Variants in RAPGEF2 observed in about 807,000 individuals in gnomAD.
RAPGEF2 encodes PDZ domain containing guanine nucleotide exchange factor (GEF) 1.
Under a neutral mutation model 186.7 loss-of-function variants are expected in RAPGEF2, and 54 were observed. That is an observed-to-expected ratio of 0.29 (90% CI 0.23 to 0.36). The LOEUF (loss-of-function observed/expected upper bound fraction) is 0.36, where lower values mean the gene tolerates loss of function less well. Among genes scored for constraint, RAPGEF2 ranks in the 10% least tolerant of loss-of-function variants. The pLI is 1.00. For missense variants in RAPGEF2, 1,532 were observed against 2,045.0 expected (o/e 0.75, Z 4.84); for synonymous variants, 712 against 705.9 (o/e 1.01, Z -0.14).
intron 1 of RAPGEF2, among the ~76,000 whole-genome samples, chr4:159,158,253 A>G (rs912908720): frequency 1.4e-4 from 21 of 152,300 alleles, no homozygotes; most frequent in East Asian, 1.2e-3. Flanking sequence ...CTGCATGCAG[A>G]TCAGTGATCC....
In RAPGEF2 at chr4:159,307,403, A is replaced by G. The variant is rs542366251; in HGVS notation, c.675+2930A>G. Among the ~76,000 whole-genome samples, 94 of 152,272 alleles carry G rather than the reference A, an allele frequency of 6.2e-4. 1 individual carries two copies. The South Asian group carries it at 0.018, about 30-fold the overall frequency. On this transcript the variant is annotated intron_variant, in intron 8 of 29. Transcript: ENST00000691494. The stretch of plus-strand genomic sequence containing the variant: ...TTTACCTCCTCATCACATACACACA[A>G]ACACACCATTTATTCTGAAAGTTGA...
chr4:159,232,148 T>C (rs1752711437), intron 4 of RAPGEF2, among the ~76,000 whole-genome samples: 1 of 152,234 alleles, frequency 6.6e-6, no homozygotes, highest in Non-Finnish European at 1.5e-5. Flanking sequence ...TTTAACTAGT[T>C]TTAAATGTAT....
intron 3 of RAPGEF2, among the ~76,000 whole-genome samples, chr4:159,198,035 C>A (rs953544141): frequency 6.6e-6 from 1 of 152,128 alleles, no homozygotes; most frequent in Non-Finnish European, 1.5e-5. Context: ...TGAAGTTTCT[C>A]CTTTGCCTCT....
At chr4:159,140,822 T>TG (rs1742236275) in intron 1 of RAPGEF2, among the ~76,000 whole-genome samples, 1 of 127,292 alleles carries the variant, frequency 7.9e-6, no homozygotes, top group African/African-American at 3.0e-5. Flanking sequence ...AATTTTTTTC[T>TG]GGAAAAAAAA....
chr4:159,219,988 G>T (rs1216096536), intron 4 of RAPGEF2, among the ~76,000 whole-genome samples: 6 of 152,206 alleles, frequency 3.9e-5, no homozygotes, highest in African/African-American at 1.4e-4. Flanking sequence ...GAGATAAAAA[G>T]TGTTTTGAGA....
chr4:159,120,034 G>GT (rs980160075), intron 1 of RAPGEF2, among the ~76,000 whole-genome samples: 2 of 151,902 alleles, frequency 1.3e-5, no homozygotes, highest in Middle Eastern at 3.2e-3. Context: ...TTTTTTGTTT[G>GT]TTTTTTTGAG....
At chr4:159,111,974 A>T (rs1362585863) in intron 1 of RAPGEF2, among the ~76,000 whole-genome samples, 3 of 152,186 alleles carry the variant, frequency 2.0e-5, no homozygotes, top group Non-Finnish European at 4.4e-5. Flanking sequence ...TTGGACTTTT[A>T]TAGCCACAGT....
intron 1 of RAPGEF2, among the ~76,000 whole-genome samples, chr4:159,136,383 G>C (rs747284672): frequency 7.9e-5 from 12 of 152,148 alleles, no homozygotes; most frequent in Non-Finnish European, 1.3e-4. Flanking sequence ...AGGACTTCAG[G>C]AAGACCAGGT....
At chr4:159,193,172 T>A in intron 2 of RAPGEF2, 28 bp from the exon 3 acceptor site, 4 of 1,414,664 alleles carry the variant, frequency 2.8e-6, no homozygotes, top group Non-Finnish European at 3.7e-6. Context: ...TGACAGATGT[T>A]GAACTCATGT....
intron 1 of RAPGEF2, among the ~76,000 whole-genome samples, chr4:159,179,161 G>T (rs1443341483): frequency 6.6e-6 from 1 of 151,684 alleles, no homozygotes; most frequent in African/African-American, 2.4e-5. Context: ...ACATGTTCCT[G>T]TTTGTGCTCA....
At chr4:159,131,462 G>A (rs532159916) in intron 1 of RAPGEF2, among the ~76,000 whole-genome samples, 1 of 145,004 alleles carries the variant, frequency 6.9e-6, no homozygotes, top group Admixed American at 6.9e-5. Context: ...TTTGTCAGCA[G>A]ATACTATGTT....
intron 1 of RAPGEF2, among the ~76,000 whole-genome samples, chr4:159,162,541 C>T (rs978697144): frequency 1.3e-5 from 2 of 152,092 alleles, no homozygotes; most frequent in African/African-American, 4.8e-5. Context: ...TATTAATGAA[C>T]CTGGATTGTA....
At chr4:159,196,355 G>T (rs1230837822) in intron 3 of RAPGEF2, among the ~76,000 whole-genome samples, 1 of 152,152 alleles carries the variant, frequency 6.6e-6, no homozygotes, top group Non-Finnish European at 1.5e-5. Context: ...TTGGGGAAAT[G>T]ACTTGTTTGT....
chr4:159,350,327 C>A, intron 26 of RAPGEF2, 38 bp downstream of exon 26: 1 of 1,449,828 alleles, frequency 6.9e-7, no homozygotes, highest in Non-Finnish European at 9.2e-7. Context: ...TGTATTGAAA[C>A]CTATACATTT....
At chr4:159,344,996 G>C (rs953196149) in intron 23 of RAPGEF2, 110 bp from the exon 24 acceptor site, 1 of 824,020 alleles carries the variant, frequency 1.2e-6, no homozygotes, top group Non-Finnish European at 2.0e-6. Context: ...ACTGGAATGA[G>C]GCATGTGACC....
At chr4:159,267,320 T>C (rs2110781251) in intron 7 of RAPGEF2, 1 of 1,289,302 alleles carries the variant, frequency 7.8e-7, no homozygotes, top group South Asian at 1.2e-5. Context: ...GTAAGCACAA[T>C]AATGTAATTA....
intron 25 of RAPGEF2, among the ~76,000 whole-genome samples, chr4:159,347,860 G>A (rs1323370772): frequency 6.6e-6 from 1 of 152,166 alleles, no homozygotes; most frequent in African/African-American, 2.4e-5. Flanking sequence ...TTCATAAAAT[G>A]TACACCTTCT....
intron 1 of RAPGEF2, among the ~76,000 whole-genome samples, chr4:159,158,418 A>T (rs572145692): frequency 6.6e-6 from 1 of 152,196 alleles, no homozygotes; most frequent in African/African-American, 2.4e-5. Context: ...TTATCTAGTT[A>T]ATCTCCAGTC....
rs760626474 is a variant in RAPGEF2 at position 159,104,549 on chromosome 4, A to AGTGT, written c.69+319_69+320insTGTG. ...GAGGGAGAGACAGAGAGAGAGAGAG[A>AGTGT]GAGAGTGTGTGTGTGTGTGTGTATG... On this transcript the variant is annotated intron_variant, in intron 1 of 29. Transcript: ENST00000691494. Among the ~76,000 whole-genome samples, 548 of 132,140 alleles carry AGTGT rather than the reference A, an allele frequency of 4.1e-3. 7 individuals carry two copies. Among genetic ancestry groups the AGTGT allele is most frequent in the Non-Finnish European group, 6.2e-3 (394 of 63,244 alleles). 86.7% of individuals were successfully genotyped at this position (132,140 alleles called of 152,430 possible).
Sources: gnomAD v4.1 joint callset for allele counts (sites outside exome capture counted in the v4.1 genomes callset) on GRCh38, gnomAD v4.1.1 for gene constraint, MANE v1.5 for transcripts, NCBI Gene and HGNC (gene_info 2026-07-23, HGNC 2026-07-21) for gene names.